DNAJC3: variants seen among roughly 807,000 people sequenced by gnomAD.
The protein encoded by DNAJC3 is DnaJ heat shock protein family (Hsp40) member C3.
Under a neutral mutation model 68.6 loss-of-function variants are expected in DNAJC3, and 38 were observed. The observed-to-expected ratio is 0.55, with a 90% CI of 0.43 to 0.73. DNAJC3 has a LOEUF of 0.73. DNAJC3 is among the 30% of genes least tolerant of loss of function. The probability of loss-of-function intolerance (pLI) is 0.00; values close to 1 mark genes in which losing one functional copy is unlikely to be tolerated. For missense variants in DNAJC3, 526 were observed against 591.9 expected (o/e 0.89, Z 1.16); for synonymous variants, 203 against 204.0 (o/e 1.00, Z 0.04).
At chr13:95,704,662 A>G (rs1880671276) in intron 1 of DNAJC3, among the ~76,000 whole-genome samples, 1 of 152,070 alleles carries the variant, frequency 6.6e-6, no homozygotes, top group Non-Finnish European at 1.5e-5. Flanking sequence ...AATATGAGAA[A>G]CGGATCCATT....
chr13:95,792,555 A>T lies in DNAJC3; in HGVS notation c.*1525A>T, dbSNP rs952300883. The T allele has an allele frequency of 6.6e-6, 1 of 152,232 alleles. No homozygotes were observed. Among genetic ancestry groups the T allele is most frequent in the Admixed American group, 6.5e-5 (1 of 15,278 alleles). The allele number at this position is 152,232 out of a possible 1,614,324, so 9.4% of individuals were successfully genotyped here. On this transcript the variant is annotated 3_prime_UTR_variant, in exon 12 of 12. Transcript: ENST00000602402. Reference sequence around the variant, plus strand: ...GCACAAATCGTTTTCGTCTGTAGTCATATCCTGAAACATAGGTGGACAAAT... The same window carrying T: ...GCACAAATCGTTTTCGTCTGTAGTCTTATCCTGAAACATAGGTGGACAAAT...
intron 1 of DNAJC3, 116 bp downstream of exon 1, chr13:95,677,453 G>T: frequency 9.3e-7 from 1 of 1,079,216 alleles, no homozygotes; most frequent in Non-Finnish European, 1.3e-6. Context: ...GCGAGCGCTG[G>T]GGGAGCCCGC....
intron 4 of DNAJC3, among the ~76,000 whole-genome samples, chr13:95,734,144 G>T (rs1032355250): frequency 1.3e-5 from 2 of 152,090 alleles, no homozygotes; most frequent in Non-Finnish European, 2.9e-5. Flanking sequence ...GTTTTATACG[G>T]TGTGTTTTCA....
At chr13:95,734,553 G>A (rs907265397) in intron 4 of DNAJC3, among the ~76,000 whole-genome samples, 10 of 152,074 alleles carry the variant, frequency 6.6e-5, no homozygotes, top group Admixed American at 3.9e-4. Context: ...GTCTATCGAC[G>A]TCTAAATCTT....
rs141250948 is a variant in DNAJC3, at chr13:95,689,627, C to T, written c.82+12290C>T. On this transcript the variant is annotated intron_variant, in intron 1 of 11. Coordinates refer to ENST00000602402, the MANE Select transcript of DNAJC3 (RefSeq NM_006260.5). ...TCATTCTGATCTTTTTATTTCTTTT[C>T]TCCCAGCTAGTTTTGGGTTTGTTTT... is the stretch of plus-strand genomic sequence containing the variant. Among the ~76,000 whole-genome samples, 175 of 151,112 alleles carry T rather than the reference C, an allele frequency of 1.2e-3. 1 individual carries two copies. The highest frequency in any genetic ancestry group is 2.7e-3 in the Admixed American group (41 of 15,190).
chr13:95,731,901 A>ATTTTTTT (rs777968421), intron 4 of DNAJC3, among the ~76,000 whole-genome samples: 1 of 123,948 alleles, frequency 8.1e-6, no homozygotes. Flanking sequence ...CGCCTGGCTA[A>ATTTTTTT]TTTTTTTTTT....
intron 4 of DNAJC3, 58 bp downstream of exon 4, chr13:95,725,310 C>G: frequency 7.6e-7 from 1 of 1,315,240 alleles, no homozygotes; most frequent in Non-Finnish European, 1.0e-6. Flanking sequence ...ACGTATTTGA[C>G]CTTTTTTATA....
At chr13:95,747,310 T>C (rs1312798497) in intron 4 of DNAJC3, among the ~76,000 whole-genome samples, 5 of 152,134 alleles carry the variant, frequency 3.3e-5, no homozygotes, top group African/African-American at 4.8e-5. Context: ...TATGGAAGGG[T>C]CATCTAACTT....
At chr13:95,734,830 T>TA (rs1881841931) in intron 4 of DNAJC3, among the ~76,000 whole-genome samples, 1 of 151,354 alleles carries the variant, frequency 6.6e-6, no homozygotes, top group South Asian at 2.1e-4. Context: ...TTTTTTTTTT[T>TA]AATTATACTT....
At chr13:95,772,190 C>A (rs1245119832) in intron 9 of DNAJC3, among the ~76,000 whole-genome samples, 1 of 152,128 alleles carries the variant, frequency 6.6e-6, no homozygotes, top group African/African-American at 2.4e-5. Context: ...TATCACTTTT[C>A]CACTATAAAA....
chr13:95,681,749 A>T (rs953054499), intron 1 of DNAJC3, among the ~76,000 whole-genome samples: 1 of 152,204 alleles, frequency 6.6e-6, no homozygotes, highest in Non-Finnish European at 1.5e-5. Context: ...TATTCTTGAA[A>T]ATCAATATTT....
chr13:95,780,073 G>A (rs7991930), intron 9 of DNAJC3, among the ~76,000 whole-genome samples: 2,266 of 152,176 alleles, frequency 0.015, 58 homozygotes, highest in African/African-American at 0.052. Flanking sequence ...GTTAACAGTC[G>A]CAGTACTCTC....
intron 9 of DNAJC3, 108 bp from the exon 10 acceptor site, chr13:95,785,831 G>C (rs1883585488): frequency 9.6e-7 from 1 of 1,045,864 alleles, no homozygotes; most frequent in Non-Finnish European, 1.3e-6. Context: ...AATGGCCAAA[G>C]AGTGAAGGGG....
chr13:95,769,890 A>G (rs1883112447), intron 9 of DNAJC3, among the ~76,000 whole-genome samples: 1 of 152,244 alleles, frequency 6.6e-6, no homozygotes, highest in South Asian at 2.1e-4. Flanking sequence ...CTGTGAACCC[A>G]TGAGCGTAAT....
chr13:95,777,028 C>T (rs1883312193), intron 9 of DNAJC3, among the ~76,000 whole-genome samples: 1 of 152,200 alleles, frequency 6.6e-6, no homozygotes. Flanking sequence ...TTCCTTTGGC[C>T]ATGGTTTCTT....
At chr13:95,681,205 C>A (rs914333913) in intron 1 of DNAJC3, among the ~76,000 whole-genome samples, 4 of 152,164 alleles carry the variant, frequency 2.6e-5, no homozygotes, top group Admixed American at 6.5e-5. Flanking sequence ...TATTTTCTGG[C>A]CCCTGTAATC....
At chr13:95,740,496 C>T (rs541688902) in intron 4 of DNAJC3, among the ~76,000 whole-genome samples, 24 of 152,152 alleles carry the variant, frequency 1.6e-4, no homozygotes, top group African/African-American at 5.1e-4. Context: ...GAGCCAGGTG[C>T]CGGATATAAT....
chr13:95,713,834 G>A (rs892126104), intron 2 of DNAJC3, among the ~76,000 whole-genome samples: 1 of 152,144 alleles, frequency 6.6e-6, no homozygotes, highest in African/African-American at 2.4e-5. Context: ...CTAGTCTCTT[G>A]CCATTTAGAG....
intron 11 of DNAJC3, among the ~76,000 whole-genome samples, chr13:95,790,290 C>T (rs1883727769): frequency 6.6e-6 from 1 of 152,174 alleles, no homozygotes; most frequent in African/African-American, 2.4e-5. Context: ...TCTTTATTGC[C>T]TTCTCCCATG....
Sources: allele counts gnomAD v4.1 joint callset (sites outside exome capture counted in the v4.1 genomes callset), GRCh38; gene constraint gnomAD v4.1.1; transcripts MANE v1.5; gene names NCBI Gene and HGNC (gene_info 2026-07-23, HGNC 2026-07-21).